ZNF148: variants seen among roughly 807,000 people sequenced by gnomAD.
The protein encoded by ZNF148 is zinc finger protein 148, also known as Beta-Enolase Repressor Factor-1.
ZNF148 carries 7 observed loss-of-function variants against 67.7 expected under a neutral mutation model. That is an observed-to-expected ratio of 0.10 (90% confidence interval 0.06 to 0.19). ZNF148 has a LOEUF of 0.19. Among genes scored for constraint, ZNF148 ranks in the 10% least tolerant of loss-of-function variants. The pLI, the probability that ZNF148 is intolerant of heterozygous loss-of-function variation, is 1.00. For missense variants in ZNF148, 583 were observed against 947.1 expected (o/e 0.62, Z 5.05); for synonymous variants, 333 against 330.7 (o/e 1.01, Z -0.08).
chr3:125,235,294 A>AT (rs1164655312), intron 7 of ZNF148, among the ~76,000 whole-genome samples: 1 of 152,336 alleles, frequency 6.6e-6, no homozygotes, highest in African/African-American at 2.4e-5. Flanking sequence ...AGATACACAC[A>AT]TTTTAAAAAG....
At chr3:125,341,850 C>G (rs930828784) in intron 1 of ZNF148, among the ~76,000 whole-genome samples, 10 of 151,020 alleles carry the variant, frequency 6.6e-5, no homozygotes, top group African/African-American at 2.4e-4. Flanking sequence ...TAAAAATTAG[C>G]CAGACATGGT....
At chr3:125,369,430 G>A (rs1942809073) in intron 1 of ZNF148, among the ~76,000 whole-genome samples, 1 of 120,656 alleles carries the variant, frequency 8.3e-6, no homozygotes. Context: ...AAGGGATTAT[G>A]AACTCCTAGC....
At chr3:125,366,993 T>A (rs1222731903) in intron 1 of ZNF148, among the ~76,000 whole-genome samples, 2 of 152,234 alleles carry the variant, frequency 1.3e-5, no homozygotes, top group Non-Finnish European at 2.9e-5. Flanking sequence ...CACAGATATA[T>A]TTGTGATTAT....
chr3:125,328,368 C>G (rs879558622), intron 2 of ZNF148, among the ~76,000 whole-genome samples: 29 of 151,698 alleles, frequency 1.9e-4, no homozygotes, highest in Admixed American at 1.4e-3. Flanking sequence ...AAAAGATGAG[C>G]AAAAGTAATT....
chr3:125,331,142 A>T lies in ZNF148; in HGVS notation c.-153+16T>A. On this transcript the variant is annotated intron_variant, in intron 2 of 8. Transcript: ENST00000360647. ...CAGGTAAAAATTAAAGATTGACTCA[A>T]AGAATGCTGAATTACCTCCATTAAA... 2 of 398,566 alleles carry T rather than the reference A, an allele frequency of 5.0e-6. No individual in the cohort carries two copies. The highest frequency in any genetic ancestry group is 8.8e-6 in the Non-Finnish European group (2 of 226,044). The allele number at this position is 398,566 out of a possible 1,614,324, so 24.7% of individuals were successfully genotyped here. A position where few individuals can be genotyped will look rare whatever the true frequency, so the allele number is the denominator to read the frequency against.
rs575799466 is a variant in ZNF148, at chr3:125,344,653, A to T, written c.-233-13415T>A. The T allele has an allele frequency of 1.1e-4, 73 of 680,566 alleles. No homozygotes were observed. In the African/African-American group the frequency reaches 1.2e-3, roughly 11 times the overall value. 42.2% of individuals were successfully genotyped at this position (680,566 alleles called of 1,614,324 possible). On this transcript the variant is annotated intron_variant, in intron 1 of 8. Coordinates refer to ENST00000360647, the MANE Select transcript of ZNF148 (RefSeq NM_021964.3). ...CATCTTACAGCACCTCACATGCCTC[A>T]GCCACTTGTTTTGATTTTCTCTCTG...
At chr3:125,285,115 A>C (rs1938591451) in intron 5 of ZNF148, among the ~76,000 whole-genome samples, 1 of 152,196 alleles carries the variant, frequency 6.6e-6, no homozygotes, top group South Asian at 2.1e-4. Context: ...CCCCAATCTA[A>C]TACTACACAA....
chr3:125,259,965 A>T (rs891774133), intron 7 of ZNF148, among the ~76,000 whole-genome samples: 1 of 152,154 alleles, frequency 6.6e-6, no homozygotes, highest in Non-Finnish European at 1.5e-5. Context: ...TGCAGGGTTA[A>T]CTGGCTTAAT....
intron 5 of ZNF148, among the ~76,000 whole-genome samples, chr3:125,287,159 C>A (rs1938704183): frequency 6.6e-6 from 1 of 151,968 alleles, no homozygotes; most frequent in Non-Finnish European, 1.5e-5. Flanking sequence ...TTTCAAATCA[C>A]AAATTTTTAA....
intron 4 of ZNF148, among the ~76,000 whole-genome samples, chr3:125,310,726 G>A (rs993878789): frequency 3.9e-5 from 6 of 152,168 alleles, no homozygotes; most frequent in Non-Finnish European, 8.8e-5. Context: ...TGGGCAGGGG[G>A]AAATGCAGAG....
At chr3:125,278,943 C>T (rs1257258978) in intron 6 of ZNF148, among the ~76,000 whole-genome samples, 181 bp downstream of exon 6, 3 of 152,128 alleles carry the variant, frequency 2.0e-5, no homozygotes, top group Non-Finnish European at 2.9e-5. Flanking sequence ...CACATCCATG[C>T]TAATTGTTTT....
intron 1 of ZNF148, among the ~76,000 whole-genome samples, chr3:125,345,374 T>C (rs1941901858): frequency 6.6e-6 from 1 of 151,992 alleles, no homozygotes; most frequent in African/African-American, 2.4e-5. Flanking sequence ...TCAAAATACA[T>C]GGGATGCAGC....
intron 4 of ZNF148, among the ~76,000 whole-genome samples, chr3:125,311,897 A>G (rs1940233920): frequency 6.6e-6 from 1 of 152,192 alleles, no homozygotes; most frequent in Admixed American, 6.5e-5. Flanking sequence ...TCACACAAGA[A>G]GAATCAGATA....
chr3:125,346,212 C>T (rs1229094727), intron 1 of ZNF148, among the ~76,000 whole-genome samples: 1 of 152,082 alleles, frequency 6.6e-6, no homozygotes. Context: ...GAACAAAGTC[C>T]AAAAACTTTT....
intron 1 of ZNF148, among the ~76,000 whole-genome samples, chr3:125,346,410 G>A (rs140355560): frequency 1.5e-3 from 235 of 152,254 alleles, no homozygotes; most frequent in African/African-American, 5.4e-3. Context: ...AAGAAGACAA[G>A]GATGTCTACT....
intron 4 of ZNF148, among the ~76,000 whole-genome samples, chr3:125,306,770 G>A (rs990418706): frequency 1.3e-5 from 2 of 151,976 alleles, no homozygotes; most frequent in Non-Finnish European, 2.9e-5. Flanking sequence ...TGAGGTGGGA[G>A]GATCATTTAA....
At chr3:125,281,847 G>C (rs868128881) in intron 5 of ZNF148, among the ~76,000 whole-genome samples, 1 of 152,098 alleles carries the variant, frequency 6.6e-6, no homozygotes, top group Non-Finnish European at 1.5e-5. Context: ...TTTTAGGCCA[G>C]AGTAATAAAG....
chr3:125,357,967 T>C (rs1423698452), intron 1 of ZNF148: 2 of 152,170 alleles, frequency 1.3e-5, no homozygotes, highest in Non-Finnish European at 2.9e-5. Flanking sequence ...CCAAAAGAAA[T>C]CTTCTCTAAA....
intron 4 of ZNF148, among the ~76,000 whole-genome samples, chr3:125,291,594 G>A (rs536920850): frequency 6.6e-5 from 10 of 152,036 alleles, no homozygotes; most frequent in Non-Finnish European, 1.0e-4. Flanking sequence ...TCATAGCTCT[G>A]CTGCTTCACT....
Sources: gnomAD v4.1 joint callset for allele counts (sites outside exome capture counted in the v4.1 genomes callset) on GRCh38, gnomAD v4.1.1 for gene constraint, MANE v1.5 for transcripts, NCBI Gene and HGNC (gene_info 2026-07-23, HGNC 2026-07-21) for gene names.